TNKS1BP1: variants seen among roughly 807,000 people sequenced by gnomAD.
The protein encoded by TNKS1BP1 is CCR4-NOT transcription complex subunit 12.
TNKS1BP1 carries 48 observed loss-of-function variants against 141.1 expected under a neutral mutation model. That is an observed-to-expected ratio of 0.34 (90% CI 0.27 to 0.43). The LOEUF (loss-of-function observed/expected upper bound fraction) is 0.43. Among genes scored for constraint, TNKS1BP1 ranks in the 20% least tolerant of loss-of-function variants. The pLI is 1.00. For missense variants in TNKS1BP1, 2,149 were observed against 2,226.0 expected (o/e 0.97, Z 0.70); for synonymous variants, 875 against 898.2 (o/e 0.97, Z 0.46).
In TNKS1BP1 at chr11:57,304,909, C is replaced by T. The variant is rs567290422; in HGVS notation, c.4317-2084G>A. On this transcript the variant is annotated intron_variant, in intron 6 of 11. Transcript: ENST00000358252. Reference sequence around the variant, plus strand: ...AAAAAAAAAAAATCCACTCCTAAAGCGAGAGGTGGCCCAAGCCACTCAGGC... The same window carrying T: ...AAAAAAAAAAAATCCACTCCTAAAGTGAGAGGTGGCCCAAGCCACTCAGGC... Among the ~76,000 whole-genome samples, 413 of 145,506 alleles carry T rather than the reference C, an allele frequency of 2.8e-3. 2 individuals carry two copies. Among genetic ancestry groups the T allele is most frequent in the African/African-American group, 9.8e-3 (393 of 40,230 alleles).
chr11:57,318,147 A>T (rs1177515407), intron 3 of TNKS1BP1, among the ~76,000 whole-genome samples: 2 of 152,260 alleles, frequency 1.3e-5, no homozygotes. Context: ...TAGGAAAAGC[A>T]TCCTGGATGC....
chr11:57,306,366 C>T (rs573691858), intron 6 of TNKS1BP1, among the ~76,000 whole-genome samples: 10 of 151,850 alleles, frequency 6.6e-5, no homozygotes, highest in African/African-American at 2.4e-4. Context: ...GGTTCTTGGA[C>T]ATTAGCCAAA....
At chr11:57,307,680 T>C (rs982787875) in intron 6 of TNKS1BP1, among the ~76,000 whole-genome samples, 4 of 152,198 alleles carry the variant, frequency 2.6e-5, no homozygotes, top group African/African-American at 7.2e-5. Context: ...TCTCAATGGA[T>C]GGAAATGTTA....
chr11:57,313,880 G>T lies in TNKS1BP1; in HGVS notation c.808C>A (p.Pro270Thr), dbSNP rs752406125. ...GGGGCTGGACTTGAGGGAATCCAGGGCTTGGAAATCTGCAAGAGAAAGAAA... is the reference window on the plus strand; with the variant it reads ...GGGGCTGGACTTGAGGGAATCCAGGTCTTGGAAATCTGCAAGAGAAAGAAA... Reference protein sequence around the residue: ...SSELPADISKPWIPSSPAPSS... With the variant: ...SSELPADISKTWIPSSPAPSS... The change falls in exon 5 of 12, where the codon CCC (proline) becomes ACC (threonine). Residue 270 changes from proline to threonine, a missense_variant. Physicochemically the swap from Pro to Thr is conservative, Grantham distance 38. Coordinates refer to ENST00000358252, the MANE Select transcript of TNKS1BP1 (RefSeq NM_033396.3). 10 of 1,501,406 alleles carry T rather than the reference G, an allele frequency of 6.7e-6. No individual in the cohort carries two copies. The East Asian group carries it at 2.1e-4, about 32-fold the overall frequency. 93.0% of individuals were successfully genotyped at this position (1,501,406 alleles called of 1,614,324 possible).
intron 11 of TNKS1BP1, 100 bp downstream of exon 11, chr11:57,300,428 A>G: frequency 9.3e-7 from 1 of 1,078,178 alleles, no homozygotes; most frequent in Non-Finnish European, 1.4e-6. Context: ...ACTTGCACAG[A>G]AAGGGGTGGG....
chr11:57,323,370 G>C (rs1034418149), intron 1 of TNKS1BP1, among the ~76,000 whole-genome samples: 1 of 152,170 alleles, frequency 6.6e-6, no homozygotes, highest in African/African-American at 2.4e-5. Flanking sequence ...GACCCTGGGG[G>C]ATAGGGCCCT....
Position 57,317,699 on chromosome 11 carries a change from A to T in TNKS1BP1, c.798+119T>A, listed in dbSNP as rs1855818959. On this transcript the variant is annotated intron_variant, in intron 4 of 11. Coordinates refer to ENST00000358252, the MANE Select transcript of TNKS1BP1 (RefSeq NM_033396.3). ...CCCAGGGCCAGCCCTCCAGTGAGTC[A>T]CTCTCCCCATGGGCCTCAGTTTCCC... is the stretch of plus-strand genomic sequence containing the variant. 6 of 1,082,842 alleles carry T rather than the reference A, an allele frequency of 5.5e-6. No individual in the cohort carries two copies. In the South Asian group the frequency reaches 8.7e-5, roughly 16 times the overall value. The allele number at this position is 1,082,842 out of a possible 1,614,324, so 67.1% of individuals were successfully genotyped here.
In TNKS1BP1 at chr11:57,313,113, A is replaced by C. The variant is rs559107501; in HGVS notation, c.1575T>G (p.Ser525=). The change falls in exon 5 of 12, where the codon TCT becomes TCG. Residue 525 remains serine, a synonymous_variant. Transcript: ENST00000358252. The stretch of plus-strand genomic sequence containing the variant: ...CTGACCCAGCCCCTTGCCCCTGCTG[A>C]GACACTCCTTCTTCCCTGCTGGAAA... The part of the protein sequence containing the change: ...LAVSSREEGV[S]QQGQGAGSAP... 5 of 1,613,300 alleles carry C rather than the reference A, an allele frequency of 3.1e-6. No individual in the cohort carries two copies. Among genetic ancestry groups the C allele is most frequent in the Non-Finnish European group, 4.2e-6 (5 of 1,179,996 alleles).
chr11:57,311,815 A>T (rs1855717209), intron 5 of TNKS1BP1, among the ~76,000 whole-genome samples: 1 of 152,262 alleles, frequency 6.6e-6, no homozygotes, highest in South Asian at 2.1e-4. Flanking sequence ...TTGCTGGATA[A>T]CTGCACAAGG....
intron 1 of TNKS1BP1, 123 bp downstream of exon 1, chr11:57,324,717 C>T (rs982204135): frequency 1.1e-6 from 1 of 933,856 alleles, no homozygotes; most frequent in Non-Finnish European, 1.3e-6. Flanking sequence ...TCCTGGTGAC[C>T]CCCCGACCAC....
chr11:57,302,976 CT>C lies in TNKS1BP1; in HGVS notation c.4317-152del. ...CAGACTCCAAGGACACGGTCAGGGC[CT>C]TGAGCAACACAGCACACAGGTGAAG... On this transcript the variant is annotated intron_variant, in intron 6 of 11. Coordinates refer to ENST00000358252, the MANE Select transcript of TNKS1BP1 (RefSeq NM_033396.3). This position sits in a 1 kb window ranked among gnomAD's most constrained non-coding sequence, Gnocchi z 5.5. 1.0e-6 allele frequency: 1 copy of C among 955,218 alleles called. No individual in the cohort carries two copies. Among genetic ancestry groups the C allele is most frequent in the Non-Finnish European group, 1.5e-6 (1 of 678,824 alleles). 59.2% of individuals were successfully genotyped at this position (955,218 alleles called of 1,614,324 possible). A position where few individuals can be genotyped will look rare whatever the true frequency, so the allele number is the denominator to read the frequency against.
At position 57,302,778 on chromosome 11, in the gene TNKS1BP1, A is replaced by G; in HGVS notation, c.4364T>C (p.Leu1455Pro). The change falls in exon 7 of 12, where the codon CTG (leucine) becomes CCG (proline). Residue 1455 changes from leucine (L) to proline (P), a missense_variant. Physicochemically the swap from Leu to Pro is moderately conservative, Grantham distance 98 (BLOSUM62 -3). Transcript: ENST00000358252. The surrounding 1 kb of genome is among the most constrained non-coding windows in gnomAD (Gnocchi z 5.5). ...GCTGGCTGCCAGCATCTCCTCCAGC[A>G]GGCCCTGGGAGCCGGAGGGTGGGGG... ...ARPPPSGSQG[L>P]LEEMLAASSS... 1 of 1,558,996 alleles carries G rather than the reference A, an allele frequency of 6.4e-7. No individual in the cohort carries two copies. Among genetic ancestry groups the G allele is most frequent in the Non-Finnish European group, 8.7e-7 (1 of 1,155,656 alleles).
At chr11:57,321,754 C>T (rs758870775) in intron 2 of TNKS1BP1, 38 bp downstream of exon 2, 14 of 1,551,800 alleles carry the variant, frequency 9.0e-6, no homozygotes, top group Admixed American at 5.6e-5. Context: ...TCCCACCCCC[C>T]TCCCAGCCAC....
chr11:57,317,661 G>A (rs912644081), intron 4 of TNKS1BP1, among the ~76,000 whole-genome samples, 157 bp downstream of exon 4: 26 of 152,226 alleles, frequency 1.7e-4, no homozygotes, highest in Non-Finnish European at 1.3e-4. Flanking sequence ...CACTGGCCCA[G>A]GAGTCGAAAA....
At position 57,310,133 on chromosome 11, in the gene TNKS1BP1, C is replaced by T. The variant is rs201888781; in HGVS notation, c.2578G>A (p.Ala860Thr). Residue 860 changes from alanine (A) to threonine (T), a missense_variant, in exon 6 of 12, where the codon GCA becomes ACA. Coordinates refer to ENST00000358252, the MANE Select transcript of TNKS1BP1 (RefSeq NM_033396.3). ...CCGAATTCCTGGTCCTGGAGTTCTGCATCCCGGCTGGAGTAAGTGCCCTGG... is the reference window on the plus strand; with the variant it reads ...CCGAATTCCTGGTCCTGGAGTTCTGTATCCCGGCTGGAGTAAGTGCCCTGG... The part of the protein sequence containing the change: ...DSQGTYSSRD[A>T]ELQDQEFGKR... 2.5e-6 allele frequency: 4 copies of T among 1,614,206 alleles called. No homozygotes were observed. In the East Asian group the frequency reaches 6.7e-5, roughly 27 times the overall value.
chr11:57,321,952 T>C lies in TNKS1BP1; in HGVS notation c.-65-2A>G. ...GTATGAGCTGGGGTGGCTGCAGACCTAGGAAAAGAGAGAGAAGAGAAGGAA... is the reference window on the plus strand; with the variant it reads ...GTATGAGCTGGGGTGGCTGCAGACCCAGGAAAAGAGAGAGAAGAGAAGGAA... On this transcript the variant is annotated splice_acceptor_variant, in intron 1 of 11. Coordinates refer to ENST00000358252, the MANE Select transcript of TNKS1BP1 (RefSeq NM_033396.3). LOFTEE classifies it low-confidence loss of function (5UTR_SPLICE). The C allele has an allele frequency of 1.3e-6, 2 of 1,584,936 alleles. No individual in the cohort carries two copies. The highest frequency in any genetic ancestry group is 1.7e-6 in the Non-Finnish European group (2 of 1,167,170).
rs1431275681 is a variant in TNKS1BP1, at chr11:57,302,596, T to G, written c.4546A>C (p.Ser1516Arg). 6.2e-7 allele frequency: 1 copy of G among 1,612,964 alleles called. No homozygotes were observed. Among genetic ancestry groups the G allele is most frequent in the East Asian group, 2.2e-5 (1 of 44,868 alleles). The part of the protein sequence containing the change: ...SWRPQPDGEA[S>R]QTEDVDGTWG... ...GTGCCATCCACGTCTTCTGTCTGGC[T>G]GGCCTCACCATCAGGCTGCGGCCTC... The change falls in exon 7 of 12, where the codon AGC becomes CGC. Residue 1516 changes from serine (S) to arginine (R), a missense_variant. Coordinates refer to ENST00000358252, the MANE Select transcript of TNKS1BP1 (RefSeq NM_033396.3). This position sits in a 1 kb window ranked among gnomAD's most constrained non-coding sequence, Gnocchi z 5.5.
intron 3 of TNKS1BP1, 91 bp downstream of exon 3, chr11:57,319,988 T>C: frequency 6.5e-7 from 1 of 1,537,050 alleles, no homozygotes; most frequent in South Asian, 1.2e-5. Context: ...CAACCCTATA[T>C]GGGGCCATGC....
intron 6 of TNKS1BP1, among the ~76,000 whole-genome samples, chr11:57,307,823 A>T (rs1380519848): frequency 6.6e-6 from 1 of 152,248 alleles, no homozygotes; most frequent in African/African-American, 2.4e-5. Context: ...AAATTTGCAC[A>T]GAGGCCAAGG....
Sources: gnomAD v4.1 joint callset for allele counts (sites outside exome capture counted in the v4.1 genomes callset) on GRCh38, gnomAD v4.1.1 for gene constraint, Gnocchi (gnomAD v3.1) non-coding constraint, MANE v1.5 for transcripts, NCBI Gene and HGNC (gene_info 2026-07-23, HGNC 2026-07-21) for gene names.